Variants in SHISA9 observed in about 807,000 individuals in gnomAD.
The protein encoded by SHISA9 is protein shisa-9.
Under a neutral mutation model 38.0 loss-of-function variants are expected in SHISA9, and 13 were observed. The observed-to-expected ratio is 0.34, with a 90% CI of 0.22 to 0.54. The LOEUF (loss-of-function observed/expected upper bound fraction) is 0.54, where lower values mean the gene tolerates loss of function less well. Among genes scored for constraint, SHISA9 ranks in the 20% least tolerant of loss-of-function variants. SHISA9 has a pLI of 0.91. For synonymous variants in SHISA9, 275 were observed against 242.0 expected, an observed-to-expected ratio of 1.14 and a Z score of -1.27; for missense variants, 538 against 575.8, an observed-to-expected ratio of 0.93 and a Z score of 0.67.
At chr16:12,965,163 G>GTGTTACATCA (rs2071961145) in intron 2 of SHISA9, among the ~76,000 whole-genome samples, 1 of 152,084 alleles carries the variant, frequency 6.6e-6, no homozygotes, top group Non-Finnish European at 1.5e-5. Context: ...CAGAGATTGT[G>GTGTTACATCA]TGTTACATCA....
the SHISA9 span, among the ~76,000 whole-genome samples, chr16:13,373,222 T>A: frequency 0.044 from 6,656 of 152,318 alleles, 180 homozygotes; most frequent in Non-Finnish European, 0.064. Flanking sequence ...TACAAACTGT[T>A]TCAAAGGTTG....
the SHISA9 span, among the ~76,000 whole-genome samples, chr16:13,490,490 G>C: frequency 1.3e-5 from 2 of 152,176 alleles, no homozygotes; most frequent in African/African-American, 4.8e-5. Context: ...ACTTGAGCCC[G>C]TGAGGTCAAG....
At chr16:13,468,479 C>T in the SHISA9 span, among the ~76,000 whole-genome samples, 1 of 152,192 alleles carries the variant, frequency 6.6e-6, no homozygotes, top group Non-Finnish European at 1.5e-5. Context: ...CCCAAGCATC[C>T]ATCTGCCTCC....
At chr16:13,418,417 A>G in the SHISA9 span, among the ~76,000 whole-genome samples, 1,374 of 152,310 alleles carry the variant, frequency 9.0e-3, 12 homozygotes, top group Middle Eastern at 0.027. Context: ...TGGCGCCTCC[A>G]TTCTTCACCA....
the SHISA9 span, among the ~76,000 whole-genome samples, chr16:13,287,668 T>C: frequency 6.6e-6 from 1 of 152,152 alleles, no homozygotes; most frequent in Non-Finnish European, 1.5e-5. Flanking sequence ...TGCTGGCTTT[T>C]GTCCAGAGGA....
the SHISA9 span, among the ~76,000 whole-genome samples, chr16:13,536,294 G>A: frequency 1.3e-5 from 2 of 152,176 alleles, no homozygotes; most frequent in Non-Finnish European, 2.9e-5. Context: ...ACCGTACCTG[G>A]CCTGCGTTTG....
At chr16:12,910,566 C>G in intron 1 of SHISA9, 1 of 985,366 alleles carries the variant, frequency 1.0e-6, no homozygotes, top group Non-Finnish European at 1.2e-6. Context: ...TCAGTACTCT[C>G]TTGTGAAATT....
the SHISA9 span, among the ~76,000 whole-genome samples, chr16:13,285,463 T>C: frequency 0.034 from 523 of 15,354 alleles, 1 homozygote; most frequent in African/African-American, 0.14. Context: ...TCAGGTGTAG[T>C]TTTTTTTTTT....
the SHISA9 span, among the ~76,000 whole-genome samples, chr16:13,339,815 G>C: frequency 1.3e-5 from 2 of 152,150 alleles, no homozygotes; most frequent in Admixed American, 6.6e-5. Flanking sequence ...CCATAATGTG[G>C]AGATAATAAC....
At chr16:13,313,277 G>A in the SHISA9 span, among the ~76,000 whole-genome samples, 1 of 121,286 alleles carries the variant, frequency 8.2e-6, no homozygotes, top group African/African-American at 3.0e-5. Context: ...AAAAAACCCA[G>A]TTTTATAAAT....
the SHISA9 span, among the ~76,000 whole-genome samples, chr16:13,328,442 T>C: frequency 1.3e-5 from 2 of 151,104 alleles, no homozygotes. Flanking sequence ...TAAGGAATTT[T>C]ACTCTTGTCA....
chr16:13,023,231 C>T (rs1207250512), intron 2 of SHISA9, among the ~76,000 whole-genome samples: 1 of 152,148 alleles, frequency 6.6e-6, no homozygotes, highest in Non-Finnish European at 1.5e-5. Context: ...CAAGTGATCT[C>T]ATTGTTCAAT....
At chr16:13,078,278 C>G (rs114166196) in intron 2 of SHISA9, among the ~76,000 whole-genome samples, 2,946 of 152,320 alleles carry the variant, frequency 0.019, 86 homozygotes, top group African/African-American at 0.066. Context: ...CTACGGCTTT[C>G]TCCTGAATAC....
At chr16:13,127,401 A>G (rs2050270852) in intron 2 of SHISA9, among the ~76,000 whole-genome samples, 2 of 140,212 alleles carry the variant, frequency 1.4e-5, no homozygotes. Context: ...AGAGGAAGAG[A>G]GAGAAGGAGA....
downstream of SHISA9, among the ~76,000 whole-genome samples, chr16:13,243,774 T>G (rs1238505685): frequency 2.1e-5 from 3 of 144,792 alleles, no homozygotes; most frequent in South Asian, 2.4e-4. Flanking sequence ...GCAGCGTTTT[T>G]TTTTTTTTTT....
intron 2 of SHISA9, among the ~76,000 whole-genome samples, chr16:13,192,564 A>G (rs2050896051): frequency 6.6e-6 from 1 of 151,970 alleles, no homozygotes; most frequent in African/African-American, 2.4e-5. Context: ...GAAGCAGGGT[A>G]TTTCTAATTT....
intron 2 of SHISA9, among the ~76,000 whole-genome samples, chr16:13,116,492 G>A (rs534824155): frequency 1.3e-5 from 2 of 152,328 alleles, no homozygotes; most frequent in East Asian, 1.9e-4. Flanking sequence ...AGGTGCAGCA[G>A]GGATGTCTGT....
chr16:13,559,397 A>G, the SHISA9 span, among the ~76,000 whole-genome samples: 2 of 143,444 alleles, frequency 1.4e-5, no homozygotes, highest in Non-Finnish European at 1.5e-5. Context: ...TTTTTTTTTC[A>G]GAGACATTCT....
the SHISA9 span, among the ~76,000 whole-genome samples, chr16:13,506,885 A>G: frequency 2.0e-5 from 3 of 151,902 alleles, no homozygotes; most frequent in African/African-American, 7.3e-5. Flanking sequence ...AAATTTTGTT[A>G]ATAAAAAATT....
Sources: gnomAD v4.1 joint callset for allele counts (sites outside exome capture counted in the v4.1 genomes callset) on GRCh38, gnomAD v4.1.1 for gene constraint, MANE v1.5 for transcripts, NCBI Gene and HGNC (gene_info 2026-07-23, HGNC 2026-07-21) for gene names.